The following MYL12B variants were observed in gnomAD, a reference collection of about 807,000 sequenced individuals.
MYL12B encodes the protein myosin regulatory light chain 12B.
In MYL12B, 3 loss-of-function variants were observed where a neutral mutation model predicts 12.9. The observed-to-expected ratio is 0.23, with a 90% CI of 0.11 to 0.60. The LOEUF is 0.60. MYL12B is among the 20% of genes least tolerant of loss of function. The probability of loss-of-function intolerance (pLI) is 0.89; values close to 1 mark genes in which losing one functional copy is unlikely to be tolerated. For missense variants in MYL12B, 120 were observed against 215.4 expected, an observed-to-expected ratio of 0.56 and a Z score of 2.77; for synonymous variants, 57 against 71.9, an observed-to-expected ratio of 0.79 and a Z score of 1.05.
chr18:3,276,865 A>G (rs1472704070), intron 2 of MYL12B: 1 of 879,946 alleles, frequency 1.1e-6, no homozygotes, highest in Non-Finnish European at 1.4e-6. Flanking sequence ...AGTGAAACCC[A>G]GTCTTTACAA....
chr18:3,268,062 C>T (rs972955404), intron 1 of MYL12B, among the ~76,000 whole-genome samples: 2 of 152,138 alleles, frequency 1.3e-5, no homozygotes, highest in African/African-American at 2.4e-5. Context: ...TCTGTGAGTG[C>T]GGAACCTGTG....
chr18:3,277,620 T>G (rs1393367321), intron 3 of MYL12B, 145 bp from the exon 4 acceptor site: 3 of 1,255,072 alleles, frequency 2.4e-6, no homozygotes, highest in African/African-American at 3.0e-5. Context: ...AATGATATAG[T>G]TCATATAGCC....
chr18:3,268,829 G>T (rs1026966095), intron 1 of MYL12B, among the ~76,000 whole-genome samples: 2 of 152,238 alleles, frequency 1.3e-5, no homozygotes, highest in Non-Finnish European at 2.9e-5. Flanking sequence ...CCTTGGGCAA[G>T]ATTATTTAAT....
intron 1 of MYL12B, chr18:3,262,915 CAG>C (rs2081605388): frequency 6.6e-6 from 1 of 152,334 alleles, no homozygotes; most frequent in East Asian, 1.9e-4. Flanking sequence ...GGACCATTAA[CAG>C]AAATAGGGAA....
chr18:3,277,020 C>T, intron 2 of MYL12B: 1 of 980,804 alleles, frequency 1.0e-6, no homozygotes, highest in Non-Finnish European at 1.2e-6. Flanking sequence ...AGAAAGTTCA[C>T]ATAAACGAAT....
In MYL12B at chr18:3,278,365, T is replaced by C. The variant is rs528625779; in HGVS notation, c.*428T>C. The stretch of plus-strand genomic sequence containing the variant: ...ACTTCATATGATTCAGGTTTTATGG[T>C]AAAATTGATTTTTCACATATATGGG... On this transcript the variant is annotated 3_prime_UTR_variant, in exon 4 of 4. Transcript: ENST00000237500. 1.2e-4 allele frequency: 20 copies of C among 161,158 alleles called. No individual in the cohort carries two copies. The highest frequency in any genetic ancestry group is 5.4e-5 in the Non-Finnish European group (4 of 74,130). 10.0% of individuals were successfully genotyped at this position (161,158 alleles called of 1,614,324 possible).
In MYL12B at chr18:3,262,170, GC is replaced by G. The variant is rs2081595339; in HGVS notation, c.-81del. The G allele has an allele frequency of 6.6e-6, 1 of 152,076 alleles. No individual in the cohort carries two copies. The highest frequency in any genetic ancestry group is 1.5e-5 in the Non-Finnish European group (1 of 68,044). 9.4% of individuals were successfully genotyped at this position (152,076 alleles called of 1,614,324 possible). On this transcript the variant is annotated 5_prime_UTR_variant, in exon 1 of 4. Coordinates refer to ENST00000237500, the MANE Select transcript of MYL12B (RefSeq NM_033546.4). ...TCGGCGCCGCCACTGTCCGGCCACA[GC>G]CTAACGCTCTTCGCTGTCGTTTGTG...
chr18:3,263,553 A>G (rs987461181), intron 1 of MYL12B, among the ~76,000 whole-genome samples: 41 of 152,242 alleles, frequency 2.7e-4, no homozygotes, highest in African/African-American at 9.6e-4. Flanking sequence ...AAGCTTGAAC[A>G]AGATGAACTG....
chr18:3,277,639 C>G, intron 3 of MYL12B, 126 bp from the exon 4 acceptor site: 1 of 1,318,486 alleles, frequency 7.6e-7, no homozygotes, highest in Non-Finnish European at 1.0e-6. Flanking sequence ...CCTTAGTTCA[C>G]TAACTTACTT....
At chr18:3,276,306 A>G in intron 2 of MYL12B, 4 of 370,158 alleles carry the variant, frequency 1.1e-5, no homozygotes, top group Non-Finnish European at 1.5e-5. Flanking sequence ...ATTCAAACCC[A>G]GTATTCCAGA....
intron 1 of MYL12B, chr18:3,272,096 A>G: frequency 3.0e-6 from 3 of 985,284 alleles, no homozygotes; most frequent in Non-Finnish European, 3.6e-6. Context: ...AGTCTTGTCA[A>G]GGGAAAAGGG....
intron 3 of MYL12B, 135 bp from the exon 4 acceptor site, chr18:3,277,630 C>T (rs563719980): frequency 1.6e-6 from 2 of 1,276,632 alleles, no homozygotes; most frequent in South Asian, 1.6e-5. Flanking sequence ...TTCATATAGC[C>T]TTAGTTCACT....
intron 1 of MYL12B, among the ~76,000 whole-genome samples, chr18:3,269,345 A>T (rs1262158118): frequency 6.6e-6 from 1 of 152,192 alleles, no homozygotes; most frequent in African/African-American, 2.4e-5. Flanking sequence ...GATATTTTAC[A>T]CAAGAGATAA....
In MYL12B at chr18:3,277,026, C is replaced by T. The variant is rs140137301; in HGVS notation, c.185-227C>T. 2,886 of 978,068 alleles carry T rather than the reference C, an allele frequency of 3.0e-3. 23 individuals are homozygous for T. The South Asian group carries it at 0.034, about 11-fold the overall frequency. The allele number at this position is 978,068 out of a possible 1,614,324, so 60.6% of individuals were successfully genotyped here. On this transcript the variant is annotated intron_variant, in intron 2 of 3. Coordinates refer to ENST00000237500, the MANE Select transcript of MYL12B (RefSeq NM_033546.4). ...ATAATGAACAGAAAGTTCACATAAA[C>T]GAATAAATAACCTTCAATATAAGCC... is the stretch of plus-strand genomic sequence containing the variant.
Position 3,278,120 on chromosome 18 carries a change from G to T in MYL12B, c.*183G>T. 1.8e-6 allele frequency: 1 copy of T among 568,906 alleles called. No homozygotes were observed. The highest frequency in any genetic ancestry group is 4.1e-5 in the Admixed American group (1 of 24,572). The allele number at this position is 568,906 out of a possible 1,614,324, so 35.2% of individuals were successfully genotyped here. A position where few individuals can be genotyped will look rare whatever the true frequency, so the allele number is the denominator to read the frequency against. On this transcript the variant is annotated 3_prime_UTR_variant, in exon 4 of 4. Transcript: ENST00000237500. ...ACTTGTATAATCAGACTGGAAATGG[G>T]GATGAGGGTGTAAATTGTATTGAAA...
intron 1 of MYL12B, among the ~76,000 whole-genome samples, chr18:3,268,403 T>C (rs2081651062): frequency 6.6e-6 from 1 of 152,154 alleles, no homozygotes; most frequent in Non-Finnish European, 1.5e-5. Flanking sequence ...TTTGTTGTTG[T>C]TTTTGAATGC....
At chr18:3,269,919 C>T (rs1382668559) in intron 1 of MYL12B, among the ~76,000 whole-genome samples, 2 of 152,202 alleles carry the variant, frequency 1.3e-5, no homozygotes, top group African/African-American at 4.8e-5. Context: ...GTAAGTTCTT[C>T]AAGGTTGGGA....
At chr18:3,274,066 T>C (rs1448315192) in intron 2 of MYL12B, among the ~76,000 whole-genome samples, 1 of 152,232 alleles carries the variant, frequency 6.6e-6, no homozygotes, top group East Asian at 1.9e-4. Flanking sequence ...ATTCACTGAT[T>C]GTTAACATTT....
chr18:3,268,152 C>G (rs989871348), intron 1 of MYL12B, among the ~76,000 whole-genome samples: 2 of 152,220 alleles, frequency 1.3e-5, no homozygotes, highest in Non-Finnish European at 2.9e-5. Flanking sequence ...ATATCCCCCT[C>G]AGATAAGGAG....
Sources: allele counts gnomAD v4.1 joint callset (sites outside exome capture counted in the v4.1 genomes callset), GRCh38; gene constraint gnomAD v4.1.1; transcripts MANE v1.5; gene names NCBI Gene and HGNC (gene_info 2026-07-23, HGNC 2026-07-21).